The following PTPRT variants were observed in gnomAD, a reference collection of about 807,000 sequenced individuals.
PTPRT encodes receptor-type tyrosine-protein phosphatase T.
A neutral mutation model predicts 176.8 loss-of-function variants in PTPRT; 56 were observed. The ratio of observed to expected loss-of-function variants is 0.32; its 90% CI spans 0.26 to 0.40. The LOEUF (loss-of-function observed/expected upper bound fraction) is 0.40, where lower values mean the gene tolerates loss of function less well. Among genes scored for constraint, PTPRT ranks in the 10% least tolerant of loss-of-function variants. The probability of loss-of-function intolerance (pLI) is 1.00; values close to 1 mark genes in which losing one functional copy is unlikely to be tolerated. For synonymous variants in PTPRT, 783 were observed against 739.0 expected, an observed-to-expected ratio of 1.06 and a Z score of -0.96; for missense variants, 1,540 against 1,908.2, an observed-to-expected ratio of 0.81 and a Z score of 3.60.
chr20:42,050,560 T>A, the PTPRT span, among the ~76,000 whole-genome samples: 1 of 152,192 alleles, frequency 6.6e-6, no homozygotes, highest in Non-Finnish European at 1.5e-5. Context: ...ATTGGCCTCA[T>A]GAAACTCATT....
intron 9 of PTPRT, among the ~76,000 whole-genome samples, chr20:42,438,389 T>A (rs767880541): frequency 1.4e-4 from 21 of 152,186 alleles, no homozygotes; most frequent in Non-Finnish European, 3.1e-4. Context: ...TCTCCCCTGG[T>A]GTTACCATGG....
chr20:42,811,386 G>GT (rs1013032966), intron 2 of PTPRT, among the ~76,000 whole-genome samples: 30 of 151,576 alleles, frequency 2.0e-4, no homozygotes, highest in African/African-American at 5.3e-4. Flanking sequence ...GTCACTTTAA[G>GT]TTTTTTTTTA....
chr20:42,763,218 G>A (rs74429205), intron 5 of PTPRT, among the ~76,000 whole-genome samples: 2,979 of 152,274 alleles, frequency 0.02, 89 homozygotes, highest in African/African-American at 0.069. Context: ...TTAGTGTCAT[G>A]ACATTATTTC....
At chr20:42,170,060 G>A (rs1190336916) in intron 16 of PTPRT, among the ~76,000 whole-genome samples, 1 of 152,154 alleles carries the variant, frequency 6.6e-6, no homozygotes, top group African/African-American at 2.4e-5. Context: ...CCAGTGGCCC[G>A]TCTCTGCCAC....
chr20:42,554,726 T>C (rs1257528839), intron 7 of PTPRT, among the ~76,000 whole-genome samples: 2 of 152,210 alleles, frequency 1.3e-5, no homozygotes. Flanking sequence ...GGTACATTTT[T>C]AGTTTCAATT....
chr20:42,581,907 A>G (rs974536440), intron 7 of PTPRT, among the ~76,000 whole-genome samples: 5 of 152,194 alleles, frequency 3.3e-5, no homozygotes, highest in African/African-American at 1.2e-4. Flanking sequence ...AGGCCAAATC[A>G]ATAAGCAACT....
At chr20:42,625,095 C>T (rs2074265947) in intron 7 of PTPRT, among the ~76,000 whole-genome samples, 1 of 152,160 alleles carries the variant, frequency 6.6e-6, no homozygotes, top group Non-Finnish European at 1.5e-5. Context: ...ACAGCGGCCC[C>T]ACAAATAACT....
At chr20:42,617,437 A>G (rs1295003169) in intron 7 of PTPRT, among the ~76,000 whole-genome samples, 1 of 132,250 alleles carries the variant, frequency 7.6e-6, no homozygotes, top group Non-Finnish European at 1.6e-5. Flanking sequence ...TTGGTATCAG[A>G]ATGATGCTGG....
At chr20:42,496,923 G>A (rs2071664993) in intron 7 of PTPRT, among the ~76,000 whole-genome samples, 1 of 152,150 alleles carries the variant, frequency 6.6e-6, no homozygotes, top group African/African-American at 2.4e-5. Flanking sequence ...CTGAATTAGA[G>A]ACGTTGTGTT....
chr20:42,798,478 T>C (rs1471286739), intron 2 of PTPRT, among the ~76,000 whole-genome samples: 2 of 152,098 alleles, frequency 1.3e-5, no homozygotes, highest in Non-Finnish European at 2.9e-5. Context: ...AATAGACCAA[T>C]AGCCATACCA....
At chr20:43,107,154 C>G (rs1346567591) in intron 1 of PTPRT, among the ~76,000 whole-genome samples, 1 of 152,164 alleles carries the variant, frequency 6.6e-6, no homozygotes, top group Non-Finnish European at 1.5e-5. Context: ...AGAATATAAA[C>G]TGCTTTAAAG....
intron 1 of PTPRT, among the ~76,000 whole-genome samples, chr20:43,049,263 A>G (rs538342641): frequency 1.3e-5 from 2 of 152,192 alleles, no homozygotes; most frequent in South Asian, 4.1e-4. Flanking sequence ...TATCCTTTGG[A>G]TAAAGCAGAC....
chr20:42,754,185 CAA>C (rs57265112), intron 6 of PTPRT, among the ~76,000 whole-genome samples: 44,331 of 150,502 alleles, frequency 0.29, 6,742 homozygotes, highest in African/African-American at 0.37. Flanking sequence ...AATAAATCTT[CAA>C]AAAAAATTTT....
chr20:42,816,357 G>A (rs997582908), intron 2 of PTPRT, among the ~76,000 whole-genome samples: 1 of 152,186 alleles, frequency 6.6e-6, no homozygotes, highest in African/African-American at 2.4e-5. Flanking sequence ...CTAGCACACG[G>A]TTTGGTTTTG....
intron 16 of PTPRT, among the ~76,000 whole-genome samples, chr20:42,192,683 A>C (rs1991047010): frequency 6.6e-6 from 1 of 152,156 alleles, no homozygotes; most frequent in Non-Finnish European, 1.5e-5. Flanking sequence ...TCCATTGCAC[A>C]AAGTCCTGTA....
chr20:42,786,781 T>C (rs1355295155), intron 3 of PTPRT, among the ~76,000 whole-genome samples: 3 of 152,218 alleles, frequency 2.0e-5, no homozygotes, highest in Non-Finnish European at 1.5e-5. Context: ...ACCGTGCCCA[T>C]GAGCTTTTAG....
chr20:42,042,212 T>A, the PTPRT span, among the ~76,000 whole-genome samples: 3 of 152,144 alleles, frequency 2.0e-5, no homozygotes, highest in Non-Finnish European at 4.4e-5. Context: ...TCACTGCCCT[T>A]TGGTTTACAT....
chr20:43,017,657 C>T (rs1490580124), intron 1 of PTPRT, among the ~76,000 whole-genome samples: 1 of 152,228 alleles, frequency 6.6e-6, no homozygotes, highest in Non-Finnish European at 1.5e-5. Flanking sequence ...CGAGCTTCCT[C>T]CTGGCAGGAA....
intron 7 of PTPRT, among the ~76,000 whole-genome samples, chr20:42,632,261 C>T (rs577330613): frequency 4.1e-4 from 63 of 152,182 alleles, no homozygotes; most frequent in African/African-American, 1.5e-3. Context: ...GTTTTTGAGA[C>T]GGAGTCTCAC....
Sources: allele counts gnomAD v4.1 joint callset (sites outside exome capture counted in the v4.1 genomes callset), GRCh38; gene constraint gnomAD v4.1.1; transcripts MANE v1.5; gene names NCBI Gene and HGNC (gene_info 2026-07-23, HGNC 2026-07-21).